AFF2: variants seen among roughly 807,000 people sequenced by gnomAD.
AFF2 encodes the protein AF4/FMR2 family member 2.
AFF2 carries 14 observed loss-of-function variants against 76.9 expected under a neutral mutation model. That is an observed-to-expected ratio of 0.18 (90% CI 0.12 to 0.28). The LOEUF (loss-of-function observed/expected upper bound fraction) is 0.28. Ranked by LOEUF, AFF2 falls within the 10% of genes least tolerant of loss-of-function variation. The pLI is 1.00. For missense variants in AFF2, 868 were observed against 1,001.1 expected (o/e 0.87, Z 1.79); for synonymous variants, 398 against 366.7 (o/e 1.09, Z -0.98).
intron 3 of AFF2, among the ~76,000 whole-genome samples, chrX:148,709,320 T>C (rs955130281): frequency 2.7e-5 from 3 of 111,807 alleles, no homozygotes; most frequent in African/African-American, 9.7e-5. Flanking sequence ...TGGGAAAAGA[T>C]AGGATTAGAA....
intron 3 of AFF2, among the ~76,000 whole-genome samples, chrX:148,724,282 G>A (rs1394993161): frequency 9.1e-6 from 1 of 110,422 alleles, no homozygotes; most frequent in African/African-American, 3.3e-5. Context: ...TTGTGTTTAG[G>A]CCATGGTAAC....
chrX:148,519,273 C>T (rs1379175402), intron 1 of AFF2, among the ~76,000 whole-genome samples: 1 of 112,116 alleles, frequency 8.9e-6, no homozygotes, highest in Non-Finnish European at 1.9e-5. Flanking sequence ...GAGATGTTAG[C>T]ATTCTCACAA....
chrX:148,662,384 C>T lies in AFF2; in HGVS notation c.657C>T (p.Asp219=). 8.3e-7 allele frequency: 1 copy of T among 1,211,935 alleles called. No homozygotes were observed. The highest frequency in any genetic ancestry group is 1.7e-5 in the African/African-American group (1 of 57,848). ...VEESNPSAKE[D]SNPNSSGEDA... is the part of the protein sequence containing the mutation. ...AGTCAAACCCATCTGCAAAGGAAGACAGTAACCCTAATTCTAGTGGAGAAG... is the reference window on the plus strand; with the variant it reads ...AGTCAAACCCATCTGCAAAGGAAGATAGTAACCCTAATTCTAGTGGAGAAG... Residue 219 remains aspartate (D), a synonymous_variant, in exon 3 of 21, where the codon GAC becomes GAT. Coordinates refer to ENST00000370460, the MANE Select transcript of AFF2 (RefSeq NM_002025.4).
At chrX:148,829,088 G>T (rs782219626) in intron 4 of AFF2, among the ~76,000 whole-genome samples, 1 of 112,512 alleles carries the variant, frequency 8.9e-6, no homozygotes, top group East Asian at 2.8e-4. Context: ...GCACTAAAGA[G>T]TTTGAATACA....
chrX:148,767,204 A>G (rs1557267831), intron 3 of AFF2, among the ~76,000 whole-genome samples: 2 of 110,971 alleles, frequency 1.8e-5, no homozygotes, highest in African/African-American at 6.5e-5. Flanking sequence ...ATCCAAATAA[A>G]AATAATAATT....
At chrX:148,585,565 C>T (rs183693378) in intron 1 of AFF2, among the ~76,000 whole-genome samples, 6 of 111,277 alleles carry the variant, frequency 5.4e-5, no homozygotes, top group African/African-American at 9.8e-5. Context: ...GTAGGCCGGG[C>T]GCGGTGGCTC....
At chrX:148,622,608 T>C (rs1487667806) in intron 1 of AFF2, among the ~76,000 whole-genome samples, 1 of 111,725 alleles carries the variant, frequency 9.0e-6, no homozygotes, top group East Asian at 2.8e-4. Context: ...CAGTTTACCA[T>C]CACAAGCACC....
At chrX:148,987,670 C>T in intron 20 of AFF2, 113 bp downstream of exon 20, 1 of 674,168 alleles carries the variant, frequency 1.5e-6, no homozygotes, top group South Asian at 3.2e-5. Flanking sequence ...CTCTGATTTC[C>T]AGAACTTAGA....
At chrX:148,694,854 C>T (rs945464822) in intron 3 of AFF2, among the ~76,000 whole-genome samples, 8 of 89,414 alleles carry the variant, frequency 8.9e-5, no homozygotes, top group Admixed American at 5.6e-4. Context: ...CTCGCTCTGT[C>T]GCCCAGGCTG....
At chrX:148,580,809 T>A (rs1487433422) in intron 1 of AFF2, among the ~76,000 whole-genome samples, 2 of 108,043 alleles carry the variant, frequency 1.9e-5, no homozygotes, top group Non-Finnish European at 3.9e-5. Flanking sequence ...AATAAAATAA[T>A]TGTACTTCTT....
At chrX:148,803,689 G>C (rs1408280937) in intron 3 of AFF2, among the ~76,000 whole-genome samples, 2 of 111,693 alleles carry the variant, frequency 1.8e-5, no homozygotes, top group Non-Finnish European at 3.8e-5. Flanking sequence ...ACTGAATTAA[G>C]TACTCTTCAC....
At chrX:148,825,052 C>CCACACACACACACATACA (rs1557272874) in intron 4 of AFF2, among the ~76,000 whole-genome samples, 1 of 109,743 alleles carries the variant, frequency 9.1e-6, no homozygotes, top group Non-Finnish European at 1.9e-5. Context: ...ATCTCTAAAA[C>CCACACACACACACATACA]CACACACACA....
intron 9 of AFF2, among the ~76,000 whole-genome samples, chrX:148,947,944 A>C (rs1188688461): frequency 8.9e-6 from 1 of 112,459 alleles, no homozygotes; most frequent in African/African-American, 3.2e-5. Flanking sequence ...CCCATTAAAC[A>C]TGTCTTGCTC....
intron 1 of AFF2, among the ~76,000 whole-genome samples, chrX:148,553,493 A>T (rs2053017712): frequency 8.9e-6 from 1 of 111,965 alleles, no homozygotes; most frequent in Admixed American, 9.5e-5. Context: ...TGCCAATATT[A>T]AAAAAATTGT....
intron 2 of AFF2, among the ~76,000 whole-genome samples, chrX:148,654,751 G>A (rs1198683867): frequency 9.2e-6 from 1 of 108,622 alleles, no homozygotes; most frequent in African/African-American, 3.3e-5. Context: ...AGGAAGATTG[G>A]GGAAGTGCAA....
chrX:148,622,119 T>C (rs2053874699), intron 1 of AFF2, among the ~76,000 whole-genome samples: 1 of 112,136 alleles, frequency 8.9e-6, no homozygotes, highest in South Asian at 3.7e-4. Context: ...CTGATGCTTA[T>C]AAAGTAGATG....
intron 1 of AFF2, among the ~76,000 whole-genome samples, chrX:148,611,484 A>T (rs1295883978): frequency 8.9e-6 from 1 of 111,972 alleles, no homozygotes; most frequent in East Asian, 2.8e-4. Context: ...GGAGTTCAGA[A>T]ATCTAAAATG....
chrX:148,921,073 C>A (rs960024551), intron 9 of AFF2, among the ~76,000 whole-genome samples: 1 of 111,175 alleles, frequency 9.0e-6, no homozygotes, highest in African/African-American at 3.3e-5. Flanking sequence ...TAAGCCACAG[C>A]CTCATTGCAA....
chrX:148,707,748 T>C (rs1197756589), intron 3 of AFF2, among the ~76,000 whole-genome samples: 7 of 111,642 alleles, frequency 6.3e-5, no homozygotes, highest in African/African-American at 2.3e-4. Context: ...TCCAAACCAA[T>C]GTTTCTTTAA....
Sources: gnomAD v4.1 joint callset for allele counts (sites outside exome capture counted in the v4.1 genomes callset) on GRCh38, gnomAD v4.1.1 for gene constraint, MANE v1.5 for transcripts, NCBI Gene and HGNC (gene_info 2026-07-23, HGNC 2026-07-21) for gene names.